PPM1H: variants seen among roughly 807,000 people sequenced by gnomAD.
PPM1H encodes protein phosphatase, Mg2+/Mn2+ dependent 1H, also known as protein phosphatase 1H.
In PPM1H, 27 loss-of-function variants were observed where a neutral mutation model predicts 54.9. The ratio of observed to expected loss-of-function variants is 0.49; its 90% CI spans 0.36 to 0.68. The LOEUF is 0.68. PPM1H is among the 30% of genes least tolerant of loss of function. The pLI, the probability that PPM1H is intolerant of heterozygous loss-of-function variation, is 0.00. For missense variants in PPM1H, 596 were observed against 667.8 expected, an observed-to-expected ratio of 0.89 and a Z score of 1.19; for synonymous variants, 305 against 270.8, an observed-to-expected ratio of 1.13 and a Z score of -1.24.
intron 5 of PPM1H, among the ~76,000 whole-genome samples, chr12:62,732,366 T>A (rs1241454835): frequency 1.3e-5 from 2 of 152,208 alleles, no homozygotes; most frequent in Non-Finnish European, 2.9e-5. Flanking sequence ...TCCAGTTCCA[T>A]AATCCCCGAA....
At chr12:62,837,548 G>A (rs1354808044) in intron 1 of PPM1H, among the ~76,000 whole-genome samples, 1 of 152,214 alleles carries the variant, frequency 6.6e-6, no homozygotes, top group African/African-American at 2.4e-5. Flanking sequence ...CAGACACAGG[G>A]ACAATGGTTG....
At chr12:62,659,490 C>T (rs138497679) in intron 9 of PPM1H, among the ~76,000 whole-genome samples, 10 of 152,136 alleles carry the variant, frequency 6.6e-5, no homozygotes, top group Non-Finnish European at 1.3e-4. Flanking sequence ...ATGCTAATCA[C>T]CTCTTCCCTC....
intron 1 of PPM1H, among the ~76,000 whole-genome samples, chr12:62,909,147 CT>C (rs1220375825): frequency 6.6e-6 from 1 of 152,190 alleles, no homozygotes; most frequent in Non-Finnish European, 1.5e-5. Context: ...ATCCTGTCAT[CT>C]TTCCTTTCAA....
chr12:62,789,174 C>T (rs926948894), intron 3 of PPM1H, among the ~76,000 whole-genome samples: 1 of 152,082 alleles, frequency 6.6e-6, no homozygotes, highest in African/African-American at 2.4e-5. Context: ...GCCACCACAC[C>T]CAGCTAACTC....
intron 1 of PPM1H, among the ~76,000 whole-genome samples, chr12:62,845,068 T>C (rs1868909248): frequency 6.6e-6 from 1 of 152,348 alleles, no homozygotes; most frequent in East Asian, 1.9e-4. Flanking sequence ...CTCACCCTAT[T>C]AACAGTTAGA....
intron 1 of PPM1H, among the ~76,000 whole-genome samples, chr12:62,929,549 T>C (rs1414078992): frequency 6.6e-6 from 1 of 152,174 alleles, no homozygotes; most frequent in Non-Finnish European, 1.5e-5. Context: ...GAAAGCACTG[T>C]ATAGTGGGGT....
intron 6 of PPM1H, among the ~76,000 whole-genome samples, chr12:62,701,316 C>T (rs1408297417): frequency 6.6e-6 from 1 of 152,242 alleles, no homozygotes; most frequent in Admixed American, 6.5e-5. Context: ...CTTACAGGCT[C>T]AGACATTCTC....
intron 9 of PPM1H, among the ~76,000 whole-genome samples, chr12:62,662,702 C>T (rs959295156): frequency 6.6e-5 from 10 of 152,216 alleles, no homozygotes; most frequent in South Asian, 4.2e-4. Flanking sequence ...CTCTTAACCA[C>T]GAGACTACCC....
chr12:62,893,352 C>T (rs1407116179), intron 1 of PPM1H, among the ~76,000 whole-genome samples: 1 of 152,178 alleles, frequency 6.6e-6, no homozygotes, highest in Non-Finnish European at 1.5e-5. Context: ...GGCCTCTCTC[C>T]TTGAAGGTGG....
At chr12:62,741,629 T>C (rs1455565688) in intron 4 of PPM1H, among the ~76,000 whole-genome samples, 1 of 152,152 alleles carries the variant, frequency 6.6e-6, no homozygotes, top group Non-Finnish European at 1.5e-5. Context: ...CCATGCCCCT[T>C]CTCTGTGACC....
At chr12:62,652,160 C>A (rs780536886) in intron 9 of PPM1H, among the ~76,000 whole-genome samples, 3 of 152,192 alleles carry the variant, frequency 2.0e-5, no homozygotes, top group Non-Finnish European at 4.4e-5. Flanking sequence ...CACTTTCACA[C>A]CCTGATATTG....
intron 1 of PPM1H, among the ~76,000 whole-genome samples, chr12:62,877,626 T>C (rs994813724): frequency 2.0e-5 from 3 of 152,170 alleles, no homozygotes; most frequent in Non-Finnish European, 4.4e-5. Context: ...AAAAAAGTCA[T>C]ATGGCTGTTA....
At position 62,801,730 on chromosome 12, in the gene PPM1H, T is replaced by C; in HGVS notation, c.756+86A>G. On this transcript the variant is annotated intron_variant, in intron 3 of 9. Transcript: ENST00000228705. ...GGAGCCAGGCAGCAAAACCGTGCGC[T>C]TTCTGGGAGCCCTCCAGGAAGGACG... 3.4e-6 allele frequency: 5 copies of C among 1,452,696 alleles called. No homozygotes were observed. In the South Asian group the frequency reaches 5.0e-5, roughly 14 times the overall value. 90.0% of individuals were successfully genotyped at this position (1,452,696 alleles called of 1,614,324 possible). A position where few individuals can be genotyped will look rare whatever the true frequency, so the allele number is the denominator to read the frequency against.
At chr12:62,683,033 T>TTTTTTATTATTATTA (rs1491110813) in intron 8 of PPM1H, among the ~76,000 whole-genome samples, 1 of 133,674 alleles carries the variant, frequency 7.5e-6, no homozygotes, top group South Asian at 2.4e-4. Context: ...GAGTTTATTA[T>TTTTTTATTATTATTA]TTATTATTAT....
intron 8 of PPM1H, among the ~76,000 whole-genome samples, chr12:62,682,962 C>T (rs1014750580): frequency 7.3e-5 from 11 of 151,610 alleles, no homozygotes; most frequent in Admixed American, 6.6e-4. Context: ...GCTGAGACTA[C>T]AGGCAGGTAC....
chr12:62,691,586 G>C (rs1421857279), intron 7 of PPM1H, among the ~76,000 whole-genome samples: 1 of 152,094 alleles, frequency 6.6e-6, no homozygotes, highest in African/African-American at 2.4e-5. Flanking sequence ...CACTTTGGGA[G>C]GCCAAGGCAG....
chr12:62,746,194 CAAAAAA>C (rs369594379), intron 4 of PPM1H, among the ~76,000 whole-genome samples: 6 of 148,520 alleles, frequency 4.0e-5, no homozygotes, highest in Admixed American at 1.3e-4. Flanking sequence ...GATCCTGTCT[CAAAAAA>C]AAAACAAAAA....
At chr12:62,855,740 T>A (rs550283088) in intron 1 of PPM1H, among the ~76,000 whole-genome samples, 12 of 152,302 alleles carry the variant, frequency 7.9e-5, no homozygotes, top group Middle Eastern at 3.4e-3. Flanking sequence ...AACAACTGAG[T>A]CCAATTTTCA....
chr12:62,658,891 G>C, intron 9 of PPM1H: 1 of 647,368 alleles, frequency 1.5e-6, no homozygotes, highest in South Asian at 1.4e-5. Flanking sequence ...TCCAGCACCA[G>C]TCTGACCAAT....
Sources: allele counts gnomAD v4.1 joint callset (sites outside exome capture counted in the v4.1 genomes callset), GRCh38; gene constraint gnomAD v4.1.1; transcripts MANE v1.5; gene names NCBI Gene and HGNC (gene_info 2026-07-23, HGNC 2026-07-21).